PRKG1: variants seen among roughly 807,000 people sequenced by gnomAD.
The protein encoded by PRKG1 is protein kinase cGMP-dependent 1.
Under a neutral mutation model 88.1 loss-of-function variants are expected in PRKG1, and 35 were observed. The observed-to-expected ratio is 0.40, with a 90% CI of 0.30 to 0.53. PRKG1 has a LOEUF of 0.53. Ranked by LOEUF, PRKG1 falls within the 20% of genes least tolerant of loss-of-function variation. The pLI is 0.59. For synonymous variants in PRKG1, 303 were observed against 292.5 expected (o/e 1.04, Z -0.37); for missense variants, 540 against 839.8 (o/e 0.64, Z 4.41).
chr10:52,008,721 A>G (rs1044611945), intron 5 of PRKG1, among the ~76,000 whole-genome samples: 2 of 151,924 alleles, frequency 1.3e-5, no homozygotes, highest in African/African-American at 2.4e-5. Context: ...AAAATTGTCA[A>G]GTTTCCTCCC....
intron 3 of PRKG1, among the ~76,000 whole-genome samples, chr10:51,597,422 T>C (rs1378920139): frequency 1.3e-5 from 2 of 152,238 alleles, no homozygotes; most frequent in Admixed American, 1.3e-4. Flanking sequence ...ATTTAAGAGC[T>C]ATTGAGAATG....
At chr10:52,281,188 T>C (rs1564544237) in intron 13 of PRKG1, among the ~76,000 whole-genome samples, 1 of 152,188 alleles carries the variant, frequency 6.6e-6, no homozygotes, top group Non-Finnish European at 1.5e-5. Context: ...ACACACTTGC[T>C]GGCATGTGTT....
At position 51,643,840 on chromosome 10, in the gene PRKG1, C is replaced by T. The variant is rs552238369; in HGVS notation, c.593-160745C>T. On this transcript the variant is annotated intron_variant, in intron 3 of 17. Coordinates refer to ENST00000373980, the MANE Select transcript of PRKG1 (RefSeq NM_006258.4). ...TTAATTATAGAAACTTTCAAATGTA[C>T]GCAAAAATAAGCAAACAATCAATGA... Among the ~76,000 whole-genome samples the T allele has an allele frequency of 3.2e-4, 48 of 152,174 alleles. No individual in the cohort carries two copies. In the South Asian group the frequency reaches 6.0e-3, roughly 19 times the overall value.
intron 2 of PRKG1, among the ~76,000 whole-genome samples, chr10:51,254,737 C>A (rs1321748743): frequency 6.6e-6 from 1 of 151,924 alleles, no homozygotes; most frequent in Non-Finnish European, 1.5e-5. Context: ...TTATTTATTT[C>A]TTTAGACTGA....
At chr10:51,836,108 C>T (rs1181313285) in intron 4 of PRKG1, among the ~76,000 whole-genome samples, 1 of 152,100 alleles carries the variant, frequency 6.6e-6, no homozygotes, top group East Asian at 1.9e-4. Flanking sequence ...GGAAGCCTCA[C>T]ACTACAATAT....
At chr10:51,241,574 A>G (rs1211496994) in intron 2 of PRKG1, among the ~76,000 whole-genome samples, 1 of 152,186 alleles carries the variant, frequency 6.6e-6, no homozygotes, top group East Asian at 1.9e-4. Flanking sequence ...ATTCCTCCTA[A>G]GGCAAGAATA....
rs979208955 is a variant in PRKG1 at position 51,430,970 on chromosome 10, C to A, written c.479-36753C>A. Among the ~76,000 whole-genome samples the A allele has an allele frequency of 3.3e-5, 5 of 152,162 alleles. 1 individual carries two copies. The highest frequency in any genetic ancestry group is 7.4e-5 in the Non-Finnish European group (5 of 68,024). On this transcript the variant is annotated intron_variant, in intron 2 of 17. Transcript: ENST00000373980. ...ATTGAATGCAGTGGGCATGAGAGATCTTTTCTGTGGTGATGGAGATGTTCT... is the reference window on the plus strand; with the variant it reads ...ATTGAATGCAGTGGGCATGAGAGATATTTTCTGTGGTGATGGAGATGTTCT...
intron 3 of PRKG1, chr10:51,568,342 T>C (rs1589089905): frequency 6.6e-6 from 1 of 152,228 alleles, no homozygotes; most frequent in East Asian, 1.9e-4. Context: ...TGAGGAGCAA[T>C]TGGTTACATG....
intron 1 of PRKG1, among the ~76,000 whole-genome samples, chr10:51,102,951 G>A (rs1421759840): frequency 6.6e-6 from 1 of 151,984 alleles, no homozygotes; most frequent in African/African-American, 2.4e-5. Flanking sequence ...ACAGATAAGA[G>A]AAAATAGTAT....
intron 5 of PRKG1, among the ~76,000 whole-genome samples, chr10:51,924,812 T>C (rs1842537680): frequency 6.6e-6 from 1 of 151,876 alleles, no homozygotes; most frequent in African/African-American, 2.4e-5. Flanking sequence ...TCTTCAGCCA[T>C]GTTGAGTCTA....
intron 2 of PRKG1, among the ~76,000 whole-genome samples, chr10:51,168,647 T>G (rs957115858): frequency 7.2e-5 from 11 of 152,134 alleles, no homozygotes; most frequent in Non-Finnish European, 1.2e-4. Flanking sequence ...ACCATGTGGT[T>G]GTTTGTTTCA....
chr10:51,347,932 G>A (rs1055073845), intron 2 of PRKG1, among the ~76,000 whole-genome samples: 1 of 151,940 alleles, frequency 6.6e-6, no homozygotes, highest in African/African-American at 2.4e-5. Flanking sequence ...GCATGGTGGC[G>A]GGTGCCTGTA....
intron 7 of PRKG1, among the ~76,000 whole-genome samples, chr10:52,131,627 C>T (rs909591050): frequency 1.3e-5 from 2 of 150,970 alleles, no homozygotes; most frequent in Non-Finnish European, 3.0e-5. Flanking sequence ...CGGGTGGATC[C>T]CCTGAGGTCA....
intron 2 of PRKG1, among the ~76,000 whole-genome samples, chr10:51,425,224 C>A (rs572441528): frequency 2.6e-5 from 4 of 152,242 alleles, no homozygotes; most frequent in Admixed American, 2.6e-4. Context: ...TTATAGTAAT[C>A]TCTTAAGGAA....
At chr10:51,963,132 G>A (rs571315634) in intron 5 of PRKG1, among the ~76,000 whole-genome samples, 5 of 152,050 alleles carry the variant, frequency 3.3e-5, no homozygotes, top group South Asian at 2.1e-4. Context: ...ATTAACTGGC[G>A]GATTTCTAAA....
At chr10:51,589,739 T>C (rs1838263525) in intron 3 of PRKG1, among the ~76,000 whole-genome samples, 1 of 152,202 alleles carries the variant, frequency 6.6e-6, no homozygotes, top group South Asian at 2.1e-4. Context: ...GAAATCCCTT[T>C]GTGTGTTCAA....
At chr10:51,559,010 G>A (rs79087881) in intron 3 of PRKG1, among the ~76,000 whole-genome samples, 8 of 152,070 alleles carry the variant, frequency 5.3e-5, no homozygotes, top group East Asian at 1.9e-4. Flanking sequence ...CAGAAGAGAC[G>A]ACATTCACAT....
chr10:51,415,559 C>A (rs1838212911), intron 2 of PRKG1, among the ~76,000 whole-genome samples: 1 of 152,142 alleles, frequency 6.6e-6, no homozygotes, highest in Non-Finnish European at 1.5e-5. Context: ...TCTCTACAGA[C>A]AGGACTTGTA....
At chr10:51,068,463 T>C in intron 1 of PRKG1, 1 of 152,048 alleles carries the variant, frequency 6.6e-6, no homozygotes, top group South Asian at 2.1e-4. Context: ...TTGTCCTTCT[T>C]ACATCTTTAG....
Sources: gnomAD v4.1 joint callset for allele counts (sites outside exome capture counted in the v4.1 genomes callset) on GRCh38, gnomAD v4.1.1 for gene constraint, MANE v1.5 for transcripts, NCBI Gene and HGNC (gene_info 2026-07-23, HGNC 2026-07-21) for gene names.